Variants in SFMBT2 observed in about 807,000 individuals in gnomAD.
The protein encoded by SFMBT2 is Scm like with four mbt domains 2, also known as scm-like with four MBT domains protein 2.
A neutral mutation model predicts 110.1 loss-of-function variants in SFMBT2; 38 were observed. That is an observed-to-expected ratio of 0.35 (90% CI 0.27 to 0.45). SFMBT2 has a LOEUF of 0.45. SFMBT2 is among the 20% of genes least tolerant of loss of function. SFMBT2 has a pLI of 1.00. For missense variants in SFMBT2, 1,011 were observed against 1,094.9 expected (o/e 0.92, Z 1.08); for synonymous variants, 425 against 425.4 (o/e 1.00, Z 0.01).
At chr10:7,319,437 A>C (rs1843106937) in intron 4 of SFMBT2, among the ~76,000 whole-genome samples, 1 of 152,232 alleles carries the variant, frequency 6.6e-6, no homozygotes, top group African/African-American at 2.4e-5. Context: ...ATGGGACACA[A>C]GTCTGTTCTT....
In SFMBT2 at chr10:7,171,870, C is replaced by G; in HGVS notation, c.2415+25G>C. 1 of 1,405,528 alleles carries G rather than the reference C, an allele frequency of 7.1e-7. No homozygotes were observed. Among genetic ancestry groups the G allele is most frequent in the Non-Finnish European group, 9.2e-7 (1 of 1,082,786 alleles). The allele number at this position is 1,405,528 out of a possible 1,614,324, so 87.1% of individuals were successfully genotyped here. A position where few individuals can be genotyped will look rare whatever the true frequency, so the allele number is the denominator to read the frequency against. ...GCTTCTTCAGACCCAGCGGGAAGCC[C>G]TCTGTCCCCACGCCCGGGCATCACC... On this transcript the variant is annotated intron_variant, in intron 19 of 20. Coordinates refer to ENST00000397167, the MANE Select transcript of SFMBT2 (RefSeq NM_001387889.1). This position sits in a 1 kb window ranked among gnomAD's most constrained non-coding sequence, Gnocchi z 4.9.
chr10:7,283,668 G>C (rs904495753), intron 6 of SFMBT2, among the ~76,000 whole-genome samples: 3 of 152,150 alleles, frequency 2.0e-5, no homozygotes, highest in African/African-American at 7.2e-5. Flanking sequence ...TGATTCCCAA[G>C]GAACTAGATC....
rs566206725 is a variant in SFMBT2, at chr10:7,293,706, TTCTC to T, written c.437-7756_437-7753del. Among the ~76,000 whole-genome samples the T allele has an allele frequency of 1.3e-4, 20 of 151,862 alleles. No individual in the cohort carries two copies. In the East Asian group the frequency reaches 2.3e-3, roughly 18 times the overall value. ...AGTCAAAGTTCCTCTCTCTTTCTCT[TTCTC>T]TCTCTCTCTTTCTCTCCCTCTCTCT... On this transcript the variant is annotated intron_variant, in intron 4 of 20. Coordinates refer to ENST00000397167, the MANE Select transcript of SFMBT2 (RefSeq NM_001387889.1). This position sits in a 1 kb window ranked among gnomAD's most constrained non-coding sequence, Gnocchi z 4.6.
At position 7,194,214 on chromosome 10, in the gene SFMBT2, C is replaced by T. The variant is rs554462429; in HGVS notation, c.1698+3334G>A. On this transcript the variant is annotated intron_variant, in intron 15 of 20. Coordinates refer to ENST00000397167, the MANE Select transcript of SFMBT2 (RefSeq NM_001387889.1). Reference sequence around the variant, plus strand: ...TTGAGTGACTCTGGTTCCAGCTTCTCCCAGGTCCCCTACCTCCCCTCGCTG... The same window carrying T: ...TTGAGTGACTCTGGTTCCAGCTTCTTCCAGGTCCCCTACCTCCCCTCGCTG... Among the ~76,000 whole-genome samples, 11 of 152,300 alleles carry T rather than the reference C, an allele frequency of 7.2e-5. No individual in the cohort carries two copies. In the South Asian group the frequency reaches 2.3e-3, roughly 32 times the overall value.
chr10:7,295,429 T>C (rs1475067532), intron 4 of SFMBT2: 4 of 152,208 alleles, frequency 2.6e-5, no homozygotes, highest in Non-Finnish European at 5.9e-5. Context: ...ACAGACGAAC[T>C]TGTGTCACAG....
At chr10:7,357,023 G>A (rs923666434) in intron 4 of SFMBT2, among the ~76,000 whole-genome samples, 3 of 152,088 alleles carry the variant, frequency 2.0e-5, no homozygotes, top group African/African-American at 7.2e-5. Flanking sequence ...CATTTACTTC[G>A]CAATCTCTCG....
intron 4 of SFMBT2, chr10:7,286,583 TA>T (rs1348413858): frequency 1.3e-5 from 2 of 152,916 alleles, no homozygotes; most frequent in Non-Finnish European, 2.9e-5. Flanking sequence ...TATTATTCCC[TA>T]AAAACTCCAA....
intron 4 of SFMBT2, among the ~76,000 whole-genome samples, chr10:7,314,625 C>G (rs78818626): frequency 6.6e-6 from 1 of 152,078 alleles, no homozygotes; most frequent in Non-Finnish European, 1.5e-5. Flanking sequence ...AAACCAGACC[C>G]GGCTGGGCAC....
Position 7,171,147 on chromosome 10 carries a change from C to T in SFMBT2, c.2416-91G>A, listed in dbSNP as rs1191631272. On this transcript the variant is annotated intron_variant, in intron 19 of 20. Transcript: ENST00000397167. The surrounding 1 kb of genome is among the most constrained non-coding windows in gnomAD (Gnocchi z 4.9). ...TCTCCAGGCCTCGGCCGTTCCTGGC[C>T]GGAAGCCACTGCCTCCCTTTGCTCC... 38 of 1,588,716 alleles carry T rather than the reference C, an allele frequency of 2.4e-5. No homozygotes were observed. The highest frequency in any genetic ancestry group is 3.3e-5 in the South Asian group (3 of 90,154).
chr10:7,275,489 G>A (rs1481449808), intron 7 of SFMBT2, among the ~76,000 whole-genome samples: 1 of 152,016 alleles, frequency 6.6e-6, no homozygotes, highest in Admixed American at 6.5e-5. Flanking sequence ...AGGGAGAGAA[G>A]AGGGAAGGAG....
In SFMBT2 at chr10:7,408,981, T is replaced by C. The variant is rs1423799567; in HGVS notation, c.-52+1880A>G. ...ATTTCTTCCCCAAACGCTGTCCCCA[T>C]CCCCCACCTTCCCTAGAGCGCGAAA... On this transcript the variant is annotated intron_variant, in intron 1 of 20. Coordinates refer to ENST00000397167, the MANE Select transcript of SFMBT2 (RefSeq NM_001387889.1). This position sits in a 1 kb window ranked among gnomAD's most constrained non-coding sequence, Gnocchi z 5.7. Among the ~76,000 whole-genome samples, 1 of 151,616 alleles carries C rather than the reference T, an allele frequency of 6.6e-6. No individual in the cohort carries two copies. Among genetic ancestry groups the C allele is most frequent in the Non-Finnish European group, 1.5e-5 (1 of 67,920 alleles).
intron 9 of SFMBT2, among the ~76,000 whole-genome samples, chr10:7,239,113 ATC>A (rs2131706609): frequency 6.6e-6 from 1 of 152,338 alleles, no homozygotes; most frequent in South Asian, 2.1e-4. Context: ...GCAATAAAAT[ATC>A]TGTGTTATTT....
intron 7 of SFMBT2, among the ~76,000 whole-genome samples, chr10:7,259,664 C>T (rs192312838): frequency 2.6e-5 from 4 of 152,368 alleles, no homozygotes; most frequent in Non-Finnish European, 4.4e-5. Flanking sequence ...AGTCAGGTAT[C>T]GCTGATGAGA....
chr10:7,275,919 C>G (rs939100749), intron 7 of SFMBT2, among the ~76,000 whole-genome samples: 5 of 152,256 alleles, frequency 3.3e-5, no homozygotes, highest in Admixed American at 6.5e-5. Flanking sequence ...TCTGCAGACA[C>G]GTGCCACCCC....
intron 4 of SFMBT2, among the ~76,000 whole-genome samples, chr10:7,352,612 T>A (rs1040317895): frequency 2.0e-5 from 3 of 152,208 alleles, no homozygotes; most frequent in African/African-American, 7.2e-5. Flanking sequence ...AGGAGTCATA[T>A]TCCCCATGCC....
chr10:7,359,156 G>A (rs984790802), intron 4 of SFMBT2, among the ~76,000 whole-genome samples: 11 of 152,224 alleles, frequency 7.2e-5, no homozygotes, highest in Admixed American at 2.0e-4. Flanking sequence ...AGCTGTGCCC[G>A]GGGGCCTTGT....
At chr10:7,330,229 C>T (rs1457569911) in intron 4 of SFMBT2, among the ~76,000 whole-genome samples, 1 of 152,162 alleles carries the variant, frequency 6.6e-6, no homozygotes, top group Non-Finnish European at 1.5e-5. Context: ...TAAATCAATA[C>T]CTTCAGCCGA....
At chr10:7,324,507 C>T (rs569624433) in intron 4 of SFMBT2, among the ~76,000 whole-genome samples, 1 of 152,256 alleles carries the variant, frequency 6.6e-6, no homozygotes, top group South Asian at 2.1e-4. Context: ...CTTGTGAACT[C>T]CACCCCAATC....
chr10:7,245,629 A>C (rs1840581030), intron 8 of SFMBT2, among the ~76,000 whole-genome samples: 4 of 152,352 alleles, frequency 2.6e-5, no homozygotes, highest in Middle Eastern at 6.8e-3. Context: ...AAGAGATGGC[A>C]GAAACAGAAA....
Sources: gnomAD v4.1 joint callset for allele counts (sites outside exome capture counted in the v4.1 genomes callset) on GRCh38, gnomAD v4.1.1 for gene constraint, Gnocchi (gnomAD v3.1) non-coding constraint, MANE v1.5 for transcripts, NCBI Gene and HGNC (gene_info 2026-07-23, HGNC 2026-07-21) for gene names.